CDH23: variants seen among roughly 807,000 people sequenced by gnomAD.
CDH23 encodes the protein cadherin-23.
In CDH23, 189 loss-of-function variants were observed where a neutral mutation model predicts 317.1. The ratio of observed to expected loss-of-function variants is 0.60; its 90% CI spans 0.53 to 0.67. The LOEUF is 0.67. Among genes scored for constraint, CDH23 ranks in the 30% least tolerant of loss-of-function variants. CDH23 has a pLI of 0.00. For synonymous variants in CDH23, 1,839 were observed against 1,876.8 expected (o/e 0.98, Z 0.52); for missense variants, 4,401 against 4,592.4 (o/e 0.96, Z 1.20).
At chr10:71,622,822 C>A in intron 11 of CDH23, 1 of 422,262 alleles carries the variant, frequency 2.4e-6, no homozygotes, top group Non-Finnish European at 3.2e-6. Context: ...GGAGAGGGAT[C>A]GGGGTAGGGA....
intron 55 of CDH23, 96 bp from the exon 56 acceptor site, chr10:71,805,710 C>A: frequency 7.8e-7 from 1 of 1,273,958 alleles, no homozygotes. Flanking sequence ...TGAGGACATT[C>A]TGCTACGGCA....
chr10:71,578,495 C>T (rs578123833), intron 9 of CDH23, among the ~76,000 whole-genome samples: 1 of 152,156 alleles, frequency 6.6e-6, no homozygotes, highest in South Asian at 2.1e-4. Flanking sequence ...TGGAATGTTG[C>T]GGGGGGGAAC....
intron 23 of CDH23, 30 bp from the exon 24 acceptor site, chr10:71,702,519 C>T (rs765782797): frequency 1.2e-6 from 2 of 1,613,666 alleles, no homozygotes; most frequent in Non-Finnish European, 1.7e-6. Context: ...TTACCCTGTC[C>T]TTGGCCCCTT....
intron 8 of CDH23, among the ~76,000 whole-genome samples, chr10:71,572,092 C>G (rs536998050): frequency 4.8e-4 from 73 of 152,314 alleles, no homozygotes; most frequent in African/African-American, 1.6e-3. Context: ...GAAGCAGGAT[C>G]CTTTCCGGCC....
chr10:71,707,316 A>G lies in CDH23; in HGVS notation c.3106+267A>G, dbSNP rs569311642. ...GGACGGGGAGCATCTACCAAGGTTC[A>G]TTCTAGAGGGAGGTAAGGCCCCATG... On this transcript the variant is annotated intron_variant, in intron 26 of 69. Transcript: ENST00000224721. 314 of 1,423,454 alleles carry G rather than the reference A, an allele frequency of 2.2e-4. 2 individuals carry two copies. The African/African-American group carries it at 4.1e-3, about 18-fold the overall frequency. 88.2% of individuals were successfully genotyped at this position (1,423,454 alleles called of 1,614,324 possible).
chr10:71,692,279 AC>A (rs1165386335), intron 20 of CDH23, among the ~76,000 whole-genome samples: 5 of 151,858 alleles, frequency 3.3e-5, no homozygotes. Context: ...CCTTTTAGCC[AC>A]CCCCGCCCTT....
intron 17 of CDH23, among the ~76,000 whole-genome samples, chr10:71,680,485 C>T (rs947677100): frequency 3.3e-5 from 5 of 152,262 alleles, no homozygotes; most frequent in Admixed American, 1.3e-4. Context: ...CGGTGGCTCA[C>T]GTCTGTAATC....
At chr10:71,401,731 G>A (rs903852473) in intron 1 of CDH23, among the ~76,000 whole-genome samples, 1 of 152,208 alleles carries the variant, frequency 6.6e-6, no homozygotes, top group African/African-American at 2.4e-5. Context: ...ACCCATCTAC[G>A]TGATGGAAGT....
Position 71,562,445 on chromosome 10 carries a change from G to A in CDH23, c.430-4297G>A, listed in dbSNP as rs181901353. On this transcript the variant is annotated intron_variant, in intron 6 of 69. Coordinates refer to ENST00000224721, the MANE Select transcript of CDH23 (RefSeq NM_022124.6). ...ATTGTAACTTCCAGCCTCGGGTGGC[G>A]GGCACTGTGCCCTCATTAGCAGTCC... is the stretch of plus-strand genomic sequence containing the variant. 8.3e-4 allele frequency among the ~76,000 whole-genome samples: 127 copies of A among 152,316 alleles called. 1 individual carries two copies. Among genetic ancestry groups the A allele is most frequent in the East Asian group, 1.9e-4 (1 of 5,170 alleles).
intron 48 of CDH23, chr10:71,796,122 G>T: frequency 1.0e-6 from 1 of 979,834 alleles, no homozygotes; most frequent in Non-Finnish European, 1.2e-6. Context: ...GAAGACAGAA[G>T]CCCAGCAGGG....
intron 11 of CDH23, among the ~76,000 whole-genome samples, chr10:71,626,151 T>A (rs1861724045): frequency 6.6e-6 from 1 of 152,208 alleles, no homozygotes; most frequent in Non-Finnish European, 1.5e-5. Flanking sequence ...TTCAAAATAA[T>A]TAGTTGGCTC....
intron 26 of CDH23, among the ~76,000 whole-genome samples, chr10:71,707,795 C>A (rs1370783190): frequency 6.6e-6 from 1 of 152,152 alleles, no homozygotes; most frequent in African/African-American, 2.4e-5. Context: ...CCATGACCTG[C>A]CTACCAACAC....
At chr10:71,712,238 G>C (rs1320314868) in intron 27 of CDH23, 2 of 165,062 alleles carry the variant, frequency 1.2e-5, no homozygotes, top group African/African-American at 4.8e-5. Flanking sequence ...GCTCACCCAG[G>C]ATGATCACTT....
intron 11 of CDH23, among the ~76,000 whole-genome samples, chr10:71,636,196 G>C (rs1457201032): frequency 1.3e-5 from 2 of 152,122 alleles, no homozygotes; most frequent in Admixed American, 1.3e-4. Flanking sequence ...GGGAGAGAGA[G>C]TTTGGGCTGG....
chr10:71,631,785 A>G (rs1046236758), intron 11 of CDH23, among the ~76,000 whole-genome samples: 5 of 152,230 alleles, frequency 3.3e-5, no homozygotes, highest in African/African-American at 1.2e-4. Context: ...TCACTCAGAT[A>G]TGCTAAATAG....
At chr10:71,535,509 A>G (rs979384456) in intron 6 of CDH23, among the ~76,000 whole-genome samples, 3 of 152,214 alleles carry the variant, frequency 2.0e-5, no homozygotes, top group African/African-American at 7.2e-5. Context: ...GCCAAGGAAA[A>G]TGCCTCATGG....
intron 37 of CDH23, 126 bp downstream of exon 37, chr10:71,741,076 T>C: frequency 9.0e-7 from 1 of 1,116,242 alleles, no homozygotes; most frequent in East Asian, 2.4e-5. Flanking sequence ...GGATGGGAAC[T>C]GTGGCTCATT....
intron 1 of CDH23, among the ~76,000 whole-genome samples, chr10:71,402,368 T>G (rs1847818958): frequency 6.6e-6 from 1 of 152,326 alleles, no homozygotes; most frequent in African/African-American, 2.4e-5. Flanking sequence ...CACTTCGTGA[T>G]TTTCATAAGG....
Position 71,617,256 on chromosome 10 carries a change from A to T in CDH23, c.997A>T (p.Thr333Ser), listed in dbSNP as rs371005464. Residue 333 changes from threonine (T) to serine (S), a missense_variant, in exon 11 of 70, where the codon ACC (threonine) becomes TCC (serine). Thr to Ser is a moderately conservative substitution (Grantham distance 58). Around this residue, in one of 3 missense-constraint regions of CDH23, gnomAD observed 3,068 missense variants for 3,203.3 expected, o/e 0.96. Coordinates refer to ENST00000224721, the MANE Select transcript of CDH23 (RefSeq NM_022124.6). ...CCCATCTGACGCTACAGTCACCACGACCTTCAATATCCTGGTTATTGACAT... is the reference window on the plus strand; with the variant it reads ...CCCATCTGACGCTACAGTCACCACGTCCTTCAATATCCTGGTTATTGACAT... ...RTPSDATVTT[T>S]FNILVIDIND... 4 of 1,613,872 alleles carry T rather than the reference A, an allele frequency of 2.5e-6. No individual in the cohort carries two copies. In the African/African-American group the frequency reaches 4.0e-5, roughly 16 times the overall value.
Sources: gnomAD v4.1 joint callset for allele counts (sites outside exome capture counted in the v4.1 genomes callset) on GRCh38, gnomAD v4.1.1 for gene constraint, gnomAD v4.1.1 regional missense constraint, MANE v1.5 for transcripts, NCBI Gene and HGNC (gene_info 2026-07-23, HGNC 2026-07-21) for gene names.